MAD1L1: variants seen among roughly 807,000 people sequenced by gnomAD.
The protein encoded by MAD1L1 is mitotic arrest deficient 1 like 1.
In MAD1L1, 95 loss-of-function variants were observed where a neutral mutation model predicts 96.9. That is an observed-to-expected ratio of 0.98 (90% confidence interval 0.83 to 1.16). The LOEUF (loss-of-function observed/expected upper bound fraction) is 1.16. MAD1L1 is among the 50% of genes most tolerant of loss of function. The pLI is 0.00. For missense variants in MAD1L1, 1,007 were observed against 954.4 expected, an observed-to-expected ratio of 1.06 and a Z score of -0.73; for synonymous variants, 473 against 396.6, an observed-to-expected ratio of 1.19 and a Z score of -2.29.
intron 18 of MAD1L1, among the ~76,000 whole-genome samples, chr7:1,826,435 G>C (rs1021412425): frequency 1.2e-4 from 18 of 152,222 alleles, no homozygotes; most frequent in African/African-American, 4.1e-4. Flanking sequence ...GCCCATGGCC[G>C]GCCCAGCCCC....
At chr7:1,941,753 C>T (rs907941307) in intron 16 of MAD1L1, among the ~76,000 whole-genome samples, 5 of 152,224 alleles carry the variant, frequency 3.3e-5, no homozygotes, top group East Asian at 1.9e-4. Flanking sequence ...TGGGCACCTG[C>T]GGCTGGGGCT....
At chr7:2,145,337 TC>T (rs1299809057) in intron 11 of MAD1L1, among the ~76,000 whole-genome samples, 1 of 152,222 alleles carries the variant, frequency 6.6e-6, no homozygotes, top group East Asian at 1.9e-4. Flanking sequence ...AAGCAGTAAG[TC>T]CTACACTGAG....
chr7:2,226,733 T>C (rs1793919875), intron 3 of MAD1L1, among the ~76,000 whole-genome samples: 1 of 152,196 alleles, frequency 6.6e-6, no homozygotes, highest in Non-Finnish European at 1.5e-5. Context: ...CTCACACCTG[T>C]AATCCCAGTA....
At chr7:2,104,303 GC>G (rs1182098308) in intron 11 of MAD1L1, among the ~76,000 whole-genome samples, 1 of 152,242 alleles carries the variant, frequency 6.6e-6, no homozygotes, top group Admixed American at 6.5e-5. Flanking sequence ...GGCAGATGAG[GC>G]CCCGGAGAGA....
At chr7:2,031,096 T>G (rs1343767934) in intron 12 of MAD1L1, among the ~76,000 whole-genome samples, 2 of 152,186 alleles carry the variant, frequency 1.3e-5, no homozygotes, top group Admixed American at 1.3e-4. Context: ...CAGCCAGCTG[T>G]GCATTCTCCA....
At chr7:1,881,022 C>T (rs1785650851) in intron 18 of MAD1L1, among the ~76,000 whole-genome samples, 1 of 152,206 alleles carries the variant, frequency 6.6e-6, no homozygotes, top group Non-Finnish European at 1.5e-5. Flanking sequence ...TCTGCAGAAC[C>T]TTAGGTGAAC....
intron 18 of MAD1L1, among the ~76,000 whole-genome samples, chr7:1,825,737 G>C (rs1782353098): frequency 6.6e-6 from 1 of 152,236 alleles, no homozygotes; most frequent in Non-Finnish European, 1.5e-5. Context: ...CTCAGGGGCT[G>C]AAGGCCTTGG....
chr7:2,060,427 G>A (rs921912456), intron 12 of MAD1L1, among the ~76,000 whole-genome samples: 48 of 151,638 alleles, frequency 3.2e-4, no homozygotes, highest in African/African-American at 8.0e-4. Flanking sequence ...GCTGAGATAC[G>A]CCGATGCTGA....
intron 18 of MAD1L1, among the ~76,000 whole-genome samples, chr7:1,864,883 T>G (rs2128650302): frequency 6.6e-6 from 1 of 152,296 alleles, no homozygotes. Flanking sequence ...CCTGAGGACC[T>G]TGCCAGATGC....
At chr7:1,818,336 C>T (rs1164358723) in intron 18 of MAD1L1, among the ~76,000 whole-genome samples, 1 of 152,096 alleles carries the variant, frequency 6.6e-6, no homozygotes, top group East Asian at 1.9e-4. Context: ...CACCCGCCTT[C>T]CCCGGCCCTC....
chr7:2,012,471 C>T (rs1227824306), intron 13 of MAD1L1, among the ~76,000 whole-genome samples: 1 of 152,256 alleles, frequency 6.6e-6, no homozygotes, highest in Non-Finnish European at 1.5e-5. Context: ...AGGTTTACGA[C>T]AGCTCCCAGG....
chr7:1,955,981 TG>T (rs2128473384), intron 16 of MAD1L1, among the ~76,000 whole-genome samples: 1 of 1,930 alleles, frequency 5.2e-4, no homozygotes, highest in Admixed American at 6.6e-3. Context: ...GCAAGTAAGG[TG>T]GGTGGGGGGG....
At chr7:2,155,066 G>A (rs576703365) in intron 10 of MAD1L1, among the ~76,000 whole-genome samples, 1 of 152,178 alleles carries the variant, frequency 6.6e-6, no homozygotes, top group Admixed American at 6.5e-5. Context: ...GAAGCAGCAC[G>A]GGAGCCGGAG....
At chr7:2,099,227 G>A (rs1336850836) in intron 11 of MAD1L1, among the ~76,000 whole-genome samples, 1 of 152,196 alleles carries the variant, frequency 6.6e-6, no homozygotes, top group Non-Finnish European at 1.5e-5. Context: ...TCAACATGCA[G>A]CAGCCACAGC....
intron 10 of MAD1L1, among the ~76,000 whole-genome samples, chr7:2,176,616 A>G (rs2128598340): frequency 6.6e-6 from 1 of 152,360 alleles, no homozygotes; most frequent in Non-Finnish European, 1.5e-5. Flanking sequence ...GACTGAATTC[A>G]GCAAAGTCAC....
chr7:2,018,339 G>A (rs189478003), intron 12 of MAD1L1, among the ~76,000 whole-genome samples: 6 of 152,306 alleles, frequency 3.9e-5, no homozygotes, highest in African/African-American at 7.2e-5. Context: ...CCAGGCACAC[G>A]GAACCCGCAT....
intron 3 of MAD1L1, among the ~76,000 whole-genome samples, chr7:2,228,890 C>T (rs768409228): frequency 7.9e-5 from 12 of 151,906 alleles, no homozygotes; most frequent in Non-Finnish European, 1.5e-4. Context: ...ACAGGTGCCA[C>T]GCCCAGCTAA....
At chr7:1,832,219 A>C (rs1782734444) in intron 18 of MAD1L1, among the ~76,000 whole-genome samples, 1 of 152,104 alleles carries the variant, frequency 6.6e-6, no homozygotes, top group South Asian at 2.1e-4. Context: ...ACCCTCATGG[A>C]TGACTTGGTT....
intron 15 of MAD1L1, among the ~76,000 whole-genome samples, chr7:1,961,318 A>AG (rs1224419478): frequency 2.0e-5 from 3 of 152,206 alleles, no homozygotes; most frequent in African/African-American, 7.2e-5. Context: ...ATGAAAAAGG[A>AG]GGGGCTACCT....
Sources: gnomAD v4.1 joint callset for allele counts (sites outside exome capture counted in the v4.1 genomes callset) on GRCh38, gnomAD v4.1.1 for gene constraint, MANE v1.5 for transcripts, NCBI Gene and HGNC (gene_info 2026-07-23, HGNC 2026-07-21) for gene names.